Variants in GSK3B observed in about 807,000 individuals in gnomAD.
The protein encoded by GSK3B is glycogen synthase kinase 3 beta.
A neutral mutation model predicts 56.4 loss-of-function variants in GSK3B; 15 were observed. The ratio of observed to expected loss-of-function variants is 0.27; its 90% CI spans 0.18 to 0.41. GSK3B has a LOEUF of 0.41. GSK3B is among the 10% of genes least tolerant of loss of function. The probability of loss-of-function intolerance (pLI) is 1.00; values close to 1 mark genes in which losing one functional copy is unlikely to be tolerated. For synonymous variants in GSK3B, 181 were observed against 188.9 expected, an observed-to-expected ratio of 0.96 and a Z score of 0.34; for missense variants, 300 against 513.4, an observed-to-expected ratio of 0.58 and a Z score of 4.02.
intron 3 of GSK3B, among the ~76,000 whole-genome samples, chr3:119,936,412 T>A (rs2056995653): frequency 6.7e-6 from 1 of 149,188 alleles, no homozygotes; most frequent in Admixed American, 6.6e-5. Context: ...AGTGGTAGGA[T>A]CTCAGCTCAC....
intron 2 of GSK3B, among the ~76,000 whole-genome samples, chr3:119,998,181 T>C (rs965445933): frequency 6.6e-6 from 1 of 152,212 alleles, no homozygotes; most frequent in Non-Finnish European, 1.5e-5. Context: ...TGGCCCTAAA[T>C]GATACCTGCC....
In GSK3B at chr3:119,863,621, A is replaced by C; in HGVS notation, c.910-16T>G. 1 of 1,532,562 alleles carries C rather than the reference A, an allele frequency of 6.5e-7. No individual in the cohort carries two copies. Among genetic ancestry groups the C allele is most frequent in the Middle Eastern group, 1.7e-4 (1 of 5,878 alleles). The allele number at this position is 1,532,562 out of a possible 1,614,324, so 94.9% of individuals were successfully genotyped here. On this transcript the variant is annotated splice_polypyrimidine_tract_variant and intron_variant, in intron 8 of 10. Transcript: ENST00000264235. ...GTCGGAAGACCTGCAGTACAAAAAA[A>C]GGGAAAGAACAATTAATGTTTTATT...
chr3:120,010,350 T>C (rs1054572449), intron 1 of GSK3B, among the ~76,000 whole-genome samples: 1 of 152,222 alleles, frequency 6.6e-6, no homozygotes, highest in African/African-American at 2.4e-5. Flanking sequence ...AACTTTTCTT[T>C]ACCTGTATCT....
intron 9 of GSK3B, among the ~76,000 whole-genome samples, chr3:119,855,568 T>G (rs2056008461): frequency 6.6e-6 from 1 of 152,160 alleles, no homozygotes; most frequent in Non-Finnish European, 1.5e-5. Flanking sequence ...AGCGAAGACT[T>G]GGAACCAACC....
At chr3:120,060,311 T>G (rs2058226002) in intron 1 of GSK3B, among the ~76,000 whole-genome samples, 1 of 152,088 alleles carries the variant, frequency 6.6e-6, no homozygotes, top group Non-Finnish European at 1.5e-5. Flanking sequence ...GAAAAACATT[T>G]TAACAAGGTC....
intron 10 of GSK3B, among the ~76,000 whole-genome samples, chr3:119,836,185 A>G (rs2055687632): frequency 6.6e-6 from 1 of 152,232 alleles, no homozygotes; most frequent in African/African-American, 2.4e-5. Flanking sequence ...TAAAGTCTTC[A>G]AAGGAGGCTA....
intron 1 of GSK3B, among the ~76,000 whole-genome samples, chr3:120,027,333 C>T (rs1461034859): frequency 1.7e-4 from 25 of 150,968 alleles, no homozygotes; most frequent in Non-Finnish European, 2.1e-4. Context: ...GCCAAGATCA[C>T]GCCACAGCAC....
At chr3:120,015,130 T>C (rs2057812424) in intron 1 of GSK3B, among the ~76,000 whole-genome samples, 1 of 152,242 alleles carries the variant, frequency 6.6e-6, no homozygotes, top group Non-Finnish European at 1.5e-5. Context: ...GACACTTGAA[T>C]AGCACAGGTT....
chr3:119,908,294 C>T (rs905278343), intron 6 of GSK3B, among the ~76,000 whole-genome samples: 7 of 152,272 alleles, frequency 4.6e-5, no homozygotes, highest in Non-Finnish European at 7.4e-5. Flanking sequence ...GCACAGCTCA[C>T]ACCAGTATCT....
chr3:120,067,304 A>G (rs1266842426), intron 1 of GSK3B, among the ~76,000 whole-genome samples: 1 of 152,164 alleles, frequency 6.6e-6, no homozygotes, highest in African/African-American at 2.4e-5. Flanking sequence ...TAGGAAATAC[A>G]AATGCTCCCT....
At chr3:120,090,007 A>G (rs1293428300) in intron 1 of GSK3B, among the ~76,000 whole-genome samples, 1 of 152,150 alleles carries the variant, frequency 6.6e-6, no homozygotes, top group Non-Finnish European at 1.5e-5. Context: ...CACAAAGTGA[A>G]GGCTCTCAAT....
chr3:119,863,485 G>A lies in GSK3B; in HGVS notation c.1030C>T (p.Arg344Trp). The A allele has an allele frequency of 6.2e-7, 1 of 1,613,682 alleles. No individual in the cohort carries two copies. The highest frequency in any genetic ancestry group is 8.5e-7 in the Non-Finnish European group (1 of 1,179,610). Residue 344 changes from arginine (R) to tryptophan (W), a missense_variant, in exon 9 of 11, where the codon CGG (arginine) becomes TGG (tryptophan). Coordinates refer to ENST00000264235, the MANE Select transcript of GSK3B (RefSeq NM_001146156.2). ...TTTGGTAGTTTGACATTTGGGTCCC[G>A]TAATTCATCAAAAAATGAATGTGCA... ...ACAHSFFDEL[R>W]DPNVKLPNGR...
chr3:119,996,421 T>C (rs1480890186), intron 2 of GSK3B, among the ~76,000 whole-genome samples: 5 of 152,218 alleles, frequency 3.3e-5, no homozygotes, highest in Admixed American at 2.6e-4. Context: ...AGCCAAGGCT[T>C]TGGGTGCTCT....
intron 2 of GSK3B, among the ~76,000 whole-genome samples, chr3:119,993,010 C>A (rs2057579774): frequency 1.4e-5 from 2 of 147,886 alleles, no homozygotes; most frequent in Non-Finnish European, 1.5e-5. Context: ...TATGGAGGGG[C>A]ATTTAGCAGC....
intron 3 of GSK3B, among the ~76,000 whole-genome samples, chr3:119,929,122 G>A (rs950571594): frequency 2.0e-5 from 3 of 152,092 alleles, no homozygotes; most frequent in Non-Finnish European, 4.4e-5. Context: ...GGTAACAAGA[G>A]TAATGCTGAA....
At chr3:120,078,973 C>A (rs115897799) in intron 1 of GSK3B, among the ~76,000 whole-genome samples, 389 of 144,736 alleles carry the variant, frequency 2.7e-3, no homozygotes, top group African/African-American at 8.8e-3. Context: ...GACAGTCTCG[C>A]TGTCTCGCCC....
At chr3:119,956,931 A>C (rs2057220098) in intron 2 of GSK3B, among the ~76,000 whole-genome samples, 1 of 152,244 alleles carries the variant, frequency 6.6e-6, no homozygotes, top group Non-Finnish European at 1.5e-5. Flanking sequence ...GGGGAAAAGC[A>C]GTCAGACAAT....
intron 1 of GSK3B, among the ~76,000 whole-genome samples, chr3:120,083,468 G>A (rs1188258358): frequency 6.6e-6 from 1 of 152,008 alleles, no homozygotes; most frequent in Non-Finnish European, 1.5e-5. Flanking sequence ...GGTACATTTG[G>A]GGGGAAGAAT....
At chr3:119,974,543 A>G (rs2057394367) in intron 2 of GSK3B, among the ~76,000 whole-genome samples, 1 of 152,196 alleles carries the variant, frequency 6.6e-6, no homozygotes, top group Admixed American at 6.5e-5. Flanking sequence ...CCCTCACCAG[A>G]CACTGAATCT....
Sources: allele counts gnomAD v4.1 joint callset (sites outside exome capture counted in the v4.1 genomes callset), GRCh38; gene constraint gnomAD v4.1.1; transcripts MANE v1.5; gene names NCBI Gene and HGNC (gene_info 2026-07-23, HGNC 2026-07-21).